ELAVL2: variants seen among roughly 807,000 people sequenced by gnomAD.
ELAVL2 encodes the protein ELAV-like protein 2.
ELAVL2 carries 4 observed loss-of-function variants against 34.6 expected under a neutral mutation model. The ratio of observed to expected loss-of-function variants is 0.12; its 90% CI spans 0.06 to 0.26. The LOEUF (loss-of-function observed/expected upper bound fraction) is 0.26. Among genes scored for constraint, ELAVL2 ranks in the 10% least tolerant of loss-of-function variants. ELAVL2 has a pLI of 1.00. For synonymous variants in ELAVL2, 193 were observed against 154.8 expected, an observed-to-expected ratio of 1.25 and a Z score of -1.83; for missense variants, 432 against 442.8, an observed-to-expected ratio of 0.98 and a Z score of 0.22.
At chr9:23,710,915 G>C (rs557886742) in intron 3 of ELAVL2, among the ~76,000 whole-genome samples, 18 of 152,154 alleles carry the variant, frequency 1.2e-4, no homozygotes, top group African/African-American at 4.1e-4. Context: ...GAAGAAGGGG[G>C]ATCTCTAACC....
At chr9:23,744,588 GACA>G (rs566499828) in intron 2 of ELAVL2, among the ~76,000 whole-genome samples, 3 of 151,852 alleles carry the variant, frequency 2.0e-5, no homozygotes, top group South Asian at 4.2e-4. Flanking sequence ...TATCCTAATT[GACA>G]ACAACATTAT....
chr9:23,727,325 C>T (rs2045472741), intron 3 of ELAVL2, among the ~76,000 whole-genome samples: 2 of 152,068 alleles, frequency 1.3e-5, no homozygotes, highest in South Asian at 2.1e-4. Flanking sequence ...GAGACGGATA[C>T]GTTGTTTTCA....
Position 23,762,013 on chromosome 9 carries a change from T to C in ELAVL2, c.222A>G (p.Lys74=), listed in dbSNP as rs1380935203. 1 of 1,611,104 alleles carries C rather than the reference T, an allele frequency of 6.2e-7. No individual in the cohort carries two copies. Among genetic ancestry groups the C allele is most frequent in the Non-Finnish European group, 8.5e-7 (1 of 1,178,414 alleles). ...EIESCKLVRD[K]ITGQSLGYGF... is the part of the protein sequence containing the mutation. ...CTACATAAAACTGCTTACCTGTTAT[T>C]TTGTCTCTTACAAGCTTACAGGACT... Residue 74 remains lysine (K), a synonymous_variant, in exon 2 of 7, where the codon AAA becomes AAG. Transcript: ENST00000397312.
At chr9:23,759,017 A>G (rs1462510156) in intron 2 of ELAVL2, among the ~76,000 whole-genome samples, 2 of 152,058 alleles carry the variant, frequency 1.3e-5, no homozygotes, top group African/African-American at 2.4e-5. Context: ...AAAGTTCCTC[A>G]AAAAATTAAA....
At chr9:23,738,436 A>T (rs2048388818) in intron 2 of ELAVL2, among the ~76,000 whole-genome samples, 1 of 152,206 alleles carries the variant, frequency 6.6e-6, no homozygotes, top group African/African-American at 2.4e-5. Flanking sequence ...AGTAAGATCA[A>T]ATTGTGAGAT....
At chr9:23,829,476 A>G (rs1588889287), upstream of ELAVL2, among the ~76,000 whole-genome samples, 2 of 152,372 alleles carry the variant, frequency 1.3e-5, no homozygotes, top group East Asian at 3.9e-4. Context: ...TATTAAAATT[A>G]GTTTACAATG....
At chr9:23,834,839 G>A in the ELAVL2 span, among the ~76,000 whole-genome samples, 1 of 151,888 alleles carries the variant, frequency 6.6e-6, no homozygotes, top group Non-Finnish European at 1.5e-5. Context: ...AAAAAGTTGT[G>A]GGTCTTCAAA....
intron 1 of ELAVL2, among the ~76,000 whole-genome samples, chr9:23,769,946 T>C (rs1328607357): frequency 3.3e-5 from 5 of 152,176 alleles, no homozygotes; most frequent in Non-Finnish European, 5.9e-5. Flanking sequence ...CAAGTCCTTC[T>C]CTTCAGTCTA....
At chr9:23,771,339 C>G (rs1253740584) in intron 1 of ELAVL2, among the ~76,000 whole-genome samples, 1 of 152,038 alleles carries the variant, frequency 6.6e-6, no homozygotes, top group Admixed American at 6.6e-5. Flanking sequence ...ATTTACTATG[C>G]TCTGGACACT....
At chr9:23,753,531 TGGG>T (rs921951358) in intron 2 of ELAVL2, among the ~76,000 whole-genome samples, 59 of 152,036 alleles carry the variant, frequency 3.9e-4, no homozygotes, top group African/African-American at 1.4e-3. Flanking sequence ...ATCATAAAAA[TGGG>T]GGGTATAAAT....
rs551104120 is a variant in ELAVL2, at chr9:23,789,235, A to G, written c.-15-26986T>C. 3.1e-3 allele frequency among the ~76,000 whole-genome samples: 477 copies of G among 152,286 alleles called. 3 individuals carry two copies. The highest frequency in any genetic ancestry group is 4.7e-3 in the Non-Finnish European group (318 of 68,020). On this transcript the variant is annotated intron_variant, in intron 1 of 6. Transcript: ENST00000397312. The stretch of plus-strand genomic sequence containing the variant: ...CTATACAGAGGGTCAGTGACCCTCT[A>G]TATCAGTCTAGGCCAGTGCCCAGAC...
At chr9:23,743,819 T>C (rs1736006597) in intron 2 of ELAVL2, among the ~76,000 whole-genome samples, 1 of 152,234 alleles carries the variant, frequency 6.6e-6, no homozygotes, top group South Asian at 2.1e-4. Flanking sequence ...TTCTTTAATC[T>C]GCTGTTACTG....
chr9:23,809,610 G>C (rs1233627774), intron 1 of ELAVL2, among the ~76,000 whole-genome samples: 1 of 152,076 alleles, frequency 6.6e-6, no homozygotes, highest in Admixed American at 6.6e-5. Context: ...TTGATTATCA[G>C]TCTCATGTAC....
intron 1 of ELAVL2, among the ~76,000 whole-genome samples, chr9:23,812,174 G>A (rs1299497985): frequency 6.6e-6 from 1 of 151,960 alleles, no homozygotes; most frequent in African/African-American, 2.4e-5. Context: ...AGAGACCAAG[G>A]AATATGAGGT....
In ELAVL2 at chr9:23,705,022, T is replaced by C. The variant is rs757945458; in HGVS notation, c.383A>G (p.Tyr128Cys). The change falls in exon 4 of 7, where the codon TAT (tyrosine) becomes TGT (cysteine). Residue 128 changes from tyrosine (Y) to cysteine (C), a missense_variant. Physicochemically the swap from Tyr to Cys is radical, Grantham distance 194. Around this residue, in one of 3 missense-constraint regions of ELAVL2, gnomAD observed 295 missense variants for 306.1 expected, o/e 0.96. Coordinates refer to ENST00000397312, the MANE Select transcript of ELAVL2 (RefSeq NM_004432.5). ...CATTGTTTTTGGAAGTCCGCTGACATATAAATTTGCATCTCTGATAGAAGC... is the reference window on the plus strand; with the variant it reads ...CATTGTTTTTGGAAGTCCGCTGACACATAAATTTGCATCTCTGATAGAAGC... ...SSASIRDANL[Y>C]VSGLPKTMTQ... The C allele has an allele frequency of 1.9e-6, 3 of 1,614,002 alleles. No individual in the cohort carries two copies. The highest frequency in any genetic ancestry group is 1.3e-5 in the African/African-American group (1 of 74,908).
chr9:23,741,792 G>A (rs2049266151), intron 2 of ELAVL2, among the ~76,000 whole-genome samples: 2 of 152,066 alleles, frequency 1.3e-5, no homozygotes, highest in African/African-American at 4.8e-5. Context: ...CCCTTTGAAA[G>A]CCCTACGGTA....
At chr9:23,730,160 C>T (rs553127083) in intron 3 of ELAVL2, among the ~76,000 whole-genome samples, 2 of 152,200 alleles carry the variant, frequency 1.3e-5, no homozygotes, top group South Asian at 2.1e-4. Flanking sequence ...GATGGTACAG[C>T]TAACTAAGAA....
chr9:23,841,739 A>G, the ELAVL2 span, among the ~76,000 whole-genome samples: 2 of 152,170 alleles, frequency 1.3e-5, no homozygotes. Flanking sequence ...AGTGAATGAT[A>G]GTGTTTGCTT....
intron 2 of ELAVL2, among the ~76,000 whole-genome samples, chr9:23,749,026 T>A (rs1174866146): frequency 6.6e-6 from 1 of 152,054 alleles, no homozygotes; most frequent in Non-Finnish European, 1.5e-5. Context: ...AGTTTCTATC[T>A]GGGATGATGA....
Sources: gnomAD v4.1 joint callset for allele counts (sites outside exome capture counted in the v4.1 genomes callset) on GRCh38, gnomAD v4.1.1 for gene constraint, gnomAD v4.1.1 regional missense constraint, MANE v1.5 for transcripts, NCBI Gene and HGNC (gene_info 2026-07-23, HGNC 2026-07-21) for gene names.